BRINP3: variants seen among roughly 807,000 people sequenced by gnomAD.
BRINP3 encodes the protein BMP/retinoic acid-inducible neural-specific protein 3.
Under a neutral mutation model 71.0 loss-of-function variants are expected in BRINP3, and 19 were observed. The observed-to-expected ratio is 0.27, with a 90% confidence interval of 0.19 to 0.39. The LOEUF is 0.39. Among genes scored for constraint, BRINP3 ranks in the 10% least tolerant of loss-of-function variants. BRINP3 has a pLI of 1.00. For missense variants in BRINP3, 959 were observed against 940.8 expected, an observed-to-expected ratio of 1.02 and a Z score of -0.25; for synonymous variants, 380 against 337.7, an observed-to-expected ratio of 1.13 and a Z score of -1.37.
chr1:190,346,940 T>C (rs1668060679), intron 2 of BRINP3, among the ~76,000 whole-genome samples: 1 of 152,120 alleles, frequency 6.6e-6, no homozygotes, highest in African/African-American at 2.4e-5. Flanking sequence ...TAGTAACTAG[T>C]ACTCAGAAGC....
chr1:190,449,159 T>C (rs184366378), intron 2 of BRINP3, among the ~76,000 whole-genome samples: 1 of 152,210 alleles, frequency 6.6e-6, no homozygotes, highest in Non-Finnish European at 1.5e-5. Context: ...AAACAATATT[T>C]ACTATTTTTC....
At chr1:190,315,725 A>G (rs746398273) in intron 2 of BRINP3, among the ~76,000 whole-genome samples, 1 of 152,102 alleles carries the variant, frequency 6.6e-6, no homozygotes, top group African/African-American at 2.4e-5. Context: ...CTTGGGTACA[A>G]TGATTGGAGG....
intron 7 of BRINP3, among the ~76,000 whole-genome samples, chr1:190,105,552 C>T (rs1356458650): frequency 6.6e-6 from 1 of 152,044 alleles, no homozygotes; most frequent in Non-Finnish European, 1.5e-5. Flanking sequence ...TAAATAAACA[C>T]ACAAGTTTTA....
At chr1:190,123,496 A>T (rs2102326619) in intron 7 of BRINP3, among the ~76,000 whole-genome samples, 1 of 152,228 alleles carries the variant, frequency 6.6e-6, no homozygotes, top group Non-Finnish European at 1.5e-5. Flanking sequence ...TTCAGGTTCT[A>T]AATTTTATTG....
chr1:190,167,122 T>C (rs575828657), intron 6 of BRINP3, among the ~76,000 whole-genome samples: 31 of 152,242 alleles, frequency 2.0e-4, no homozygotes, highest in African/African-American at 7.5e-4. Context: ...CTTTATCCGA[T>C]TTTGGATTTT....
At chr1:190,409,367 C>G (rs893038368) in intron 2 of BRINP3, among the ~76,000 whole-genome samples, 1 of 152,078 alleles carries the variant, frequency 6.6e-6, no homozygotes, top group Non-Finnish European at 1.5e-5. Flanking sequence ...TTACTATGGA[C>G]ACAGCATAGT....
At chr1:190,135,767 A>T (rs1025260885) in intron 7 of BRINP3, among the ~76,000 whole-genome samples, 1 of 152,078 alleles carries the variant, frequency 6.6e-6, no homozygotes, top group Non-Finnish European at 1.5e-5. Flanking sequence ...GCATTAGTTT[A>T]TATTCTTCAT....
chr1:190,414,952 C>T (rs549209030), intron 2 of BRINP3, among the ~76,000 whole-genome samples: 7 of 152,228 alleles, frequency 4.6e-5, no homozygotes, highest in East Asian at 1.9e-4. Context: ...AAGACAGACT[C>T]GGTCTGTTTC....
intron 2 of BRINP3, among the ~76,000 whole-genome samples, chr1:190,344,094 C>T (rs1371496701): frequency 6.6e-6 from 1 of 151,514 alleles, no homozygotes; most frequent in Non-Finnish European, 1.5e-5. Context: ...GTTTATTCAC[C>T]AAGATAAAAT....
At chr1:190,356,959 G>C (rs1668771370) in intron 2 of BRINP3, among the ~76,000 whole-genome samples, 1 of 151,226 alleles carries the variant, frequency 6.6e-6, no homozygotes, top group South Asian at 2.1e-4. Flanking sequence ...GAGACAACTA[G>C]GTTAACAGGT....
chr1:190,402,891 T>A (rs538973883), intron 2 of BRINP3, among the ~76,000 whole-genome samples: 1 of 152,182 alleles, frequency 6.6e-6, no homozygotes, highest in Admixed American at 6.5e-5. Context: ...CATGCCCAGG[T>A]AATTTTTGAA....
At chr1:190,264,730 G>A in intron 4 of BRINP3, 135 bp downstream of exon 4, 1 of 650,396 alleles carries the variant, frequency 1.5e-6, no homozygotes, top group Admixed American at 3.7e-5. Flanking sequence ...ATAACTGAAA[G>A]CAAGAAAATT....
intron 2 of BRINP3, among the ~76,000 whole-genome samples, chr1:190,333,127 G>T (rs1558189873): frequency 6.6e-6 from 1 of 151,806 alleles, no homozygotes; most frequent in Non-Finnish European, 1.5e-5. Flanking sequence ...TAATTGATTT[G>T]AAAAAATGAT....
At chr1:190,261,294 C>A (rs1571552605) in intron 4 of BRINP3, among the ~76,000 whole-genome samples, 1 of 151,736 alleles carries the variant, frequency 6.6e-6, no homozygotes, top group South Asian at 2.1e-4. Flanking sequence ...AAAATAATGA[C>A]CAACTCTAGA....
At chr1:190,149,881 T>C (rs544117916) in intron 7 of BRINP3, among the ~76,000 whole-genome samples, 1 of 152,304 alleles carries the variant, frequency 6.6e-6, no homozygotes, top group East Asian at 1.9e-4. Context: ...CTTCATTTTC[T>C]TGAGTGTTCT....
chr1:190,118,991 G>A (rs139795383), intron 7 of BRINP3, among the ~76,000 whole-genome samples: 4 of 152,036 alleles, frequency 2.6e-5, no homozygotes, highest in African/African-American at 9.7e-5. Context: ...TGTGGGAAAA[G>A]TTATGTTCCT....
chr1:190,110,775 A>G (rs1202573234), intron 7 of BRINP3, among the ~76,000 whole-genome samples: 1 of 152,172 alleles, frequency 6.6e-6, no homozygotes, highest in East Asian at 1.9e-4. Context: ...TTCCATGAAA[A>G]AAAATTACAA....
At chr1:190,320,462 AT>A (rs1666165027) in intron 2 of BRINP3, among the ~76,000 whole-genome samples, 2 of 152,066 alleles carry the variant, frequency 1.3e-5, no homozygotes, top group Non-Finnish European at 2.9e-5. Flanking sequence ...CACATTGCTT[AT>A]TGTTGTGCAT....
intron 2 of BRINP3, among the ~76,000 whole-genome samples, chr1:190,443,732 A>C (rs1674998033): frequency 6.6e-6 from 1 of 152,070 alleles, no homozygotes; most frequent in South Asian, 2.1e-4. Flanking sequence ...TTTATCCCCC[A>C]CCACCAGCAG....
Sources: allele counts gnomAD v4.1 joint callset (sites outside exome capture counted in the v4.1 genomes callset), GRCh38; gene constraint gnomAD v4.1.1; transcripts MANE v1.5; gene names NCBI Gene and HGNC (gene_info 2026-07-23, HGNC 2026-07-21).